The following PCDH9 variants were observed in gnomAD, a reference collection of about 807,000 sequenced individuals.
PCDH9 encodes protocadherin-9.
A neutral mutation model predicts 70.6 loss-of-function variants in PCDH9; 24 were observed. That is an observed-to-expected ratio of 0.34 (90% CI 0.25 to 0.48). The LOEUF (loss-of-function observed/expected upper bound fraction) is 0.48. Ranked by LOEUF, PCDH9 falls within the 20% of genes least tolerant of loss-of-function variation. The pLI, the probability that PCDH9 is intolerant of heterozygous loss-of-function variation, is 0.99. For synonymous variants in PCDH9, 562 were observed against 558.5 expected, an observed-to-expected ratio of 1.01 and a Z score of -0.09; for missense variants, 1,281 against 1,503.6, an observed-to-expected ratio of 0.85 and a Z score of 2.45.
chr13:66,915,573 C>T (rs2082543181), intron 2 of PCDH9, among the ~76,000 whole-genome samples: 1 of 151,422 alleles, frequency 6.6e-6, no homozygotes, highest in Non-Finnish European at 1.5e-5. Context: ...TAAAGTAATC[C>T]TACAATCCAG....
At chr13:66,448,197 G>A (rs1443869973) in intron 4 of PCDH9, among the ~76,000 whole-genome samples, 1 of 152,160 alleles carries the variant, frequency 6.6e-6, no homozygotes, top group East Asian at 1.9e-4. Context: ...TGCTTGAAAT[G>A]AGAAAATCTC....
At chr13:66,900,531 C>T (rs1488166520) in intron 3 of PCDH9, among the ~76,000 whole-genome samples, 1 of 151,724 alleles carries the variant, frequency 6.6e-6, no homozygotes, top group African/African-American at 2.4e-5. Flanking sequence ...ATATGACGTG[C>T]TTAGAATAGG....
intron 2 of PCDH9, among the ~76,000 whole-genome samples, chr13:66,965,491 C>T (rs943792508): frequency 6.6e-6 from 1 of 152,154 alleles, no homozygotes; most frequent in Non-Finnish European, 1.5e-5. Flanking sequence ...CCAGATTACA[C>T]TCATCAAGCT....
chr13:66,458,070 A>G (rs1958354105), intron 4 of PCDH9, among the ~76,000 whole-genome samples: 1 of 152,046 alleles, frequency 6.6e-6, no homozygotes, highest in South Asian at 2.1e-4. Flanking sequence ...AAACCGTTAC[A>G]TGCAGAGAGA....
At chr13:67,089,319 T>G (rs2086170677) in intron 2 of PCDH9, among the ~76,000 whole-genome samples, 3 of 152,036 alleles carry the variant, frequency 2.0e-5, no homozygotes. Context: ...GTTATCTGCT[T>G]ATTAATAAAA....
At chr13:66,368,261 C>T (rs1000521389) in intron 4 of PCDH9, among the ~76,000 whole-genome samples, 4 of 151,878 alleles carry the variant, frequency 2.6e-5, no homozygotes, top group African/African-American at 9.7e-5. Flanking sequence ...TTTGAAAGTA[C>T]ACCAGTTTGT....
At chr13:66,495,140 G>A (rs1959093718) in intron 4 of PCDH9, among the ~76,000 whole-genome samples, 1 of 152,038 alleles carries the variant, frequency 6.6e-6, no homozygotes, top group South Asian at 2.1e-4. Flanking sequence ...TCTCTCTATG[G>A]TTATGACTAA....
At chr13:66,432,144 G>A (rs775761031) in intron 4 of PCDH9, among the ~76,000 whole-genome samples, 62 of 151,982 alleles carry the variant, frequency 4.1e-4, no homozygotes, top group African/African-American at 1.4e-3. Flanking sequence ...ATAAGAAAAC[G>A]TTAGCAACTA....
At chr13:66,548,016 T>C (rs1262920993) in intron 4 of PCDH9, among the ~76,000 whole-genome samples, 1 of 149,542 alleles carries the variant, frequency 6.7e-6, no homozygotes, top group Non-Finnish European at 1.5e-5. Flanking sequence ...TGTATTTGTA[T>C]GTATGTATGT....
intron 4 of PCDH9, among the ~76,000 whole-genome samples, chr13:66,322,614 T>G (rs1200411897): frequency 1.3e-5 from 2 of 152,062 alleles, no homozygotes; most frequent in African/African-American, 4.8e-5. Context: ...ACAGCATCCT[T>G]GTTGGTGACT....
chr13:66,461,429 T>C (rs1355621657), intron 4 of PCDH9, among the ~76,000 whole-genome samples: 1 of 151,618 alleles, frequency 6.6e-6, no homozygotes, highest in East Asian at 1.9e-4. Context: ...TTAGAAATAA[T>C]ATTGAACTTG....
chr13:66,725,345 T>C (rs2078992588), intron 3 of PCDH9, among the ~76,000 whole-genome samples: 1 of 152,210 alleles, frequency 6.6e-6, no homozygotes, highest in Non-Finnish European at 1.5e-5. Context: ...TCCCTGCTTC[T>C]ACCCTAAGCC....
chr13:66,506,848 T>C (rs561170812), intron 4 of PCDH9, among the ~76,000 whole-genome samples: 1 of 152,318 alleles, frequency 6.6e-6, no homozygotes, highest in African/African-American at 2.4e-5. Context: ...GAGGAAGAAA[T>C]ACTTTTTCAA....
intron 2 of PCDH9, among the ~76,000 whole-genome samples, chr13:67,021,018 T>A (rs1324803387): frequency 6.6e-6 from 1 of 152,198 alleles, no homozygotes; most frequent in Non-Finnish European, 1.5e-5. Flanking sequence ...AACACACACA[T>A]ATTATAATTT....
At chr13:66,950,021 A>G (rs2083152317) in intron 2 of PCDH9, among the ~76,000 whole-genome samples, 1 of 152,090 alleles carries the variant, frequency 6.6e-6, no homozygotes, top group South Asian at 2.1e-4. Context: ...TTAGATGATG[A>G]CCAGAAGTTT....
chr13:66,719,024 C>T (rs895309200), intron 3 of PCDH9, among the ~76,000 whole-genome samples: 2 of 152,160 alleles, frequency 1.3e-5, no homozygotes, highest in African/African-American at 4.8e-5. Context: ...TTGTTTTTAT[C>T]TAAATTTACA....
chr13:67,222,149 A>AAATAT (rs1006607237), intron 2 of PCDH9: 25 of 152,214 alleles, frequency 1.6e-4, no homozygotes, highest in African/African-American at 5.8e-4. Flanking sequence ...TCTTTTAGGC[A>AAATAT]AATATACCAA....
At chr13:66,713,140 A>G (rs1408210153) in intron 3 of PCDH9, among the ~76,000 whole-genome samples, 1 of 152,104 alleles carries the variant, frequency 6.6e-6, no homozygotes, top group Non-Finnish European at 1.5e-5. Context: ...TCACTCCTGA[A>G]CAAGCTGAGC....
Position 66,449,968 on chromosome 13 carries a change from T to C in PCDH9, c.3341-144940A>G, listed in dbSNP as rs2138424918. Among the ~76,000 whole-genome samples, 2 of 152,318 alleles carry C rather than the reference T, an allele frequency of 1.3e-5. 1 individual carries two copies. The highest frequency in any genetic ancestry group is 3.9e-4 in the East Asian group (2 of 5,190). On this transcript the variant is annotated intron_variant, in intron 4 of 4. Coordinates refer to ENST00000377865, the MANE Select transcript of PCDH9 (RefSeq NM_203487.3). ...TATACTTCATGAGTGTTACCTCATT[T>C]ACACAATAGGCAGGACAATTGCTTT... is the stretch of plus-strand genomic sequence containing the variant.
Sources: allele counts gnomAD v4.1 joint callset (sites outside exome capture counted in the v4.1 genomes callset), GRCh38; gene constraint gnomAD v4.1.1; transcripts MANE v1.5; gene names NCBI Gene and HGNC (gene_info 2026-07-23, HGNC 2026-07-21).